The following KCNIP3 variants were observed in gnomAD, a reference collection of about 807,000 sequenced individuals.
The protein encoded by KCNIP3 is potassium voltage-gated channel interacting protein 3, also known as calsenilin.
In KCNIP3, 28 loss-of-function variants were observed where a neutral mutation model predicts 35.0. That is an observed-to-expected ratio of 0.80 (90% CI 0.59 to 1.10). KCNIP3 has a LOEUF of 1.10. KCNIP3 is among the 50% of genes least tolerant of loss of function. KCNIP3 has a pLI of 0.00. For synonymous variants in KCNIP3, 134 were observed against 133.8 expected, an observed-to-expected ratio of 1.00 and a Z score of -0.01; for missense variants, 295 against 338.4, an observed-to-expected ratio of 0.87 and a Z score of 1.01.
chr2:95,380,912 C>T (rs1680320878), intron 5 of KCNIP3, among the ~76,000 whole-genome samples: 2 of 152,170 alleles, frequency 1.3e-5, no homozygotes, highest in Non-Finnish European at 1.5e-5. Context: ...ACTCAGGAGG[C>T]TGAGGTGGAG....
intron 5 of KCNIP3, among the ~76,000 whole-genome samples, chr2:95,379,969 T>G (rs916764446): frequency 6.6e-6 from 1 of 152,224 alleles, no homozygotes; most frequent in Non-Finnish European, 1.5e-5. Context: ...GCTTCCATTC[T>G]GGGAAATCGT....
intron 2 of KCNIP3, among the ~76,000 whole-genome samples, chr2:95,352,119 C>T (rs1371617353): frequency 1.3e-5 from 2 of 152,022 alleles, no homozygotes; most frequent in African/African-American, 4.8e-5. Context: ...AAAAATTAGC[C>T]GGGCATGGTG....
intron 2 of KCNIP3, among the ~76,000 whole-genome samples, chr2:95,326,277 C>CTACACA (rs1403664505): frequency 4.6e-5 from 7 of 151,456 alleles, no homozygotes; most frequent in Non-Finnish European, 7.4e-5. Context: ...CATACACTCA[C>CTACACA]TACACATACA....
At chr2:95,317,156 C>T (rs527657364) in intron 2 of KCNIP3, among the ~76,000 whole-genome samples, 13 of 152,298 alleles carry the variant, frequency 8.5e-5, no homozygotes, top group Admixed American at 6.5e-5. Flanking sequence ...ACTCAGGGCC[C>T]CTGGCCCTGA....
At chr2:95,335,465 G>A (rs976268447) in intron 2 of KCNIP3, among the ~76,000 whole-genome samples, 1 of 152,082 alleles carries the variant, frequency 6.6e-6, no homozygotes, top group African/African-American at 2.4e-5. Flanking sequence ...TTTTTGTATT[G>A]TTATTTCTCT....
intron 1 of KCNIP3, chr2:95,303,294 C>G (rs931206423): frequency 2.0e-5 from 3 of 152,126 alleles, no homozygotes; most frequent in Admixed American, 2.0e-4. Context: ...TAGGGAGCCA[C>G]GAGGCAAAAT....
chr2:95,350,594 C>T (rs531350039), intron 2 of KCNIP3, among the ~76,000 whole-genome samples: 24 of 152,210 alleles, frequency 1.6e-4, no homozygotes, highest in South Asian at 8.3e-4. Context: ...GCAGGGGGCC[C>T]GGAGCAGCAG....
intron 1 of KCNIP3, among the ~76,000 whole-genome samples, chr2:95,306,023 C>T (rs559336039): frequency 6.6e-6 from 1 of 152,324 alleles, no homozygotes; most frequent in East Asian, 1.9e-4. Flanking sequence ...ATACCGTGGT[C>T]GGGCTCTGTG....
intron 2 of KCNIP3, among the ~76,000 whole-genome samples, chr2:95,327,015 G>A (rs142548405): frequency 9.2e-5 from 14 of 152,332 alleles, no homozygotes; most frequent in Admixed American, 3.9e-4. Flanking sequence ...TGCTCGGCAC[G>A]TGCCGGCTGC....
intron 2 of KCNIP3, among the ~76,000 whole-genome samples, chr2:95,360,186 G>A (rs1234122674): frequency 3.0e-5 from 4 of 134,656 alleles, no homozygotes; most frequent in East Asian, 2.2e-4. Context: ...GTGAGACTCC[G>A]TCTCAAAAAA....
intron 6 of KCNIP3, 39 bp downstream of exon 6, chr2:95,381,742 C>G: frequency 5.9e-6 from 8 of 1,345,424 alleles, no homozygotes; most frequent in Non-Finnish European, 8.5e-6. Context: ...CCCCTCCTCC[C>G]CTCCTGCTGC....
intron 2 of KCNIP3, among the ~76,000 whole-genome samples, chr2:95,324,281 G>A (rs1018008264): frequency 5.9e-5 from 9 of 152,194 alleles, no homozygotes; most frequent in African/African-American, 2.2e-4. Context: ...GGAGGCCGAG[G>A]CAGGCGGATC....
intron 1 of KCNIP3, 143 bp downstream of exon 1, chr2:95,297,596 G>A (rs1247164994): frequency 1.3e-5 from 9 of 717,794 alleles, no homozygotes; most frequent in East Asian, 5.6e-5. Flanking sequence ...GAAAGTGAGC[G>A]TTGGGGCGTC....
intron 2 of KCNIP3, among the ~76,000 whole-genome samples, chr2:95,314,448 T>C (rs1678402240): frequency 6.6e-6 from 1 of 152,144 alleles, no homozygotes; most frequent in Non-Finnish European, 1.5e-5. Flanking sequence ...GCTGAGTCCT[T>C]GGTGGAGTGA....
chr2:95,328,785 G>A (rs940535292), intron 2 of KCNIP3, among the ~76,000 whole-genome samples: 12 of 152,260 alleles, frequency 7.9e-5, no homozygotes, highest in African/African-American at 2.9e-4. Flanking sequence ...TTGGGGTGGG[G>A]AAGAGTGTGC....
rs1680453091 is a variant in KCNIP3 at position 95,384,829 on chromosome 2, G to A, written c.*780G>A. 6.5e-6 allele frequency: 1 copy of A among 152,696 alleles called. No homozygotes were observed. The highest frequency in any genetic ancestry group is 2.4e-5 in the African/African-American group (1 of 41,474). 9.5% of individuals were successfully genotyped at this position (152,696 alleles called of 1,614,324 possible). A position where few individuals can be genotyped will look rare whatever the true frequency, so the allele number is the denominator to read the frequency against. On this transcript the variant is annotated 3_prime_UTR_variant, in exon 9 of 9. Transcript: ENST00000295225. ...GAGGGCACTCTCTGCCAGCTCCACA[G>A]GGTGGGATGAGCCTCTCCTTGCCCC...
chr2:95,312,414 A>G (rs1678344639), intron 2 of KCNIP3: 1 of 152,198 alleles, frequency 6.6e-6, no homozygotes, highest in Non-Finnish European at 1.5e-5. Flanking sequence ...TGCATGCCCC[A>G]TCCCACCTCA....
chr2:95,341,246 C>T (rs1446091516), intron 2 of KCNIP3, among the ~76,000 whole-genome samples: 2 of 152,134 alleles, frequency 1.3e-5, no homozygotes, highest in Non-Finnish European at 2.9e-5. Flanking sequence ...GGCACCTCCC[C>T]CCTCACTCTC....
At position 95,382,728 on chromosome 2, in the gene KCNIP3, G is replaced by A. The variant is rs7576055; in HGVS notation, c.660+247G>A. Reference sequence around the variant, plus strand: ...ATCCTGAGGCAGCTGACCCTGGGCCGGAGCTCCATGCCTCCTGAGAGCTGT... The same window carrying A: ...ATCCTGAGGCAGCTGACCCTGGGCCAGAGCTCCATGCCTCCTGAGAGCTGT... On this transcript the variant is annotated intron_variant, in intron 7 of 8. Transcript: ENST00000295225. This position sits in a 1 kb window ranked among gnomAD's most constrained non-coding sequence, Gnocchi z 4.5. Among the ~76,000 whole-genome samples, 28 of 152,210 alleles carry A rather than the reference G, an allele frequency of 1.8e-4. No individual in the cohort carries two copies. The highest frequency in any genetic ancestry group is 1.2e-3 in the Admixed American group (19 of 15,286).
Sources: allele counts gnomAD v4.1 joint callset (sites outside exome capture counted in the v4.1 genomes callset), GRCh38; gene constraint gnomAD v4.1.1; non-coding constraint Gnocchi (gnomAD v3.1); transcripts MANE v1.5; gene names NCBI Gene and HGNC (gene_info 2026-07-23, HGNC 2026-07-21).